The following FAT3 variants were observed in gnomAD, a reference collection of about 807,000 sequenced individuals.
The protein encoded by FAT3 is protocadherin Fat 3.
In FAT3, 95 loss-of-function variants were observed where a neutral mutation model predicts 310.2. The ratio of observed to expected loss-of-function variants is 0.31; its 90% CI spans 0.26 to 0.36. The LOEUF is 0.36. FAT3 is among the 10% of genes least tolerant of loss of function. The probability of loss-of-function intolerance (pLI) is 1.00; values close to 1 mark genes in which losing one functional copy is unlikely to be tolerated. For synonymous variants in FAT3, 2,314 were observed against 2,192.9 expected (o/e 1.06, Z -1.54); for missense variants, 5,408 against 5,715.6 (o/e 0.95, Z 1.74).
Position 92,762,007 on chromosome 11 carries a change from C to T in FAT3, c.3821C>T (p.Pro1274Leu), listed in dbSNP as rs756902208. ...PERDRKKRGE[P>L]IYRAFAFDRD... is the part of the protein sequence containing the mutation. ...CGTGACCGAAAGAAGAGAGGAGAAC[C>T]GATTTACAGGGCTTTTGCATTTGAT... The change falls in exon 5 of 28, where the codon CCG becomes CTG. Residue 1274 changes from proline (P) to leucine (L), a missense_variant. Physicochemically the swap from Pro to Leu is moderately conservative, Grantham distance 98. Coordinates refer to ENST00000525166, the MANE Select transcript of FAT3 (RefSeq NM_001367949.2). 5 of 1,613,860 alleles carry T rather than the reference C, an allele frequency of 3.1e-6. No homozygotes were observed. Among genetic ancestry groups the T allele is most frequent in the South Asian group, 1.1e-5 (1 of 91,070 alleles).
chr11:92,268,412 G>A (rs765506652), intron 1 of FAT3, among the ~76,000 whole-genome samples: 5 of 147,572 alleles, frequency 3.4e-5, no homozygotes, highest in African/African-American at 1.0e-4. Context: ...ATTATATGAC[G>A]TACTTTGGAA....
chr11:92,867,583 A>G (rs1270448323), intron 22 of FAT3, among the ~76,000 whole-genome samples: 1 of 152,214 alleles, frequency 6.6e-6, no homozygotes, highest in Non-Finnish European at 1.5e-5. Context: ...GAATGATAGT[A>G]GCACTATGAG....
chr11:92,504,408 G>A (rs1953038751), intron 2 of FAT3, among the ~76,000 whole-genome samples: 1 of 152,082 alleles, frequency 6.6e-6, no homozygotes, highest in Non-Finnish European at 1.5e-5. Context: ...AGAAACAGAA[G>A]GAAGGGTTTC....
At chr11:92,688,590 G>A (rs189321397) in intron 3 of FAT3, among the ~76,000 whole-genome samples, 4 of 152,112 alleles carry the variant, frequency 2.6e-5, no homozygotes, top group Admixed American at 6.6e-5. Context: ...GGACCCTGAC[G>A]TGAGTATTTT....
At chr11:92,411,959 A>G (rs542571995) in intron 2 of FAT3, among the ~76,000 whole-genome samples, 3 of 151,906 alleles carry the variant, frequency 2.0e-5, no homozygotes, top group South Asian at 2.1e-4. Context: ...CAACCCTTTC[A>G]TCATTTTCAT....
At chr11:92,464,601 A>T (rs556007457) in intron 2 of FAT3, among the ~76,000 whole-genome samples, 1 of 152,194 alleles carries the variant, frequency 6.6e-6, no homozygotes. Flanking sequence ...TGGGAACAGC[A>T]TAGGAAATAA....
intron 7 of FAT3, among the ~76,000 whole-genome samples, chr11:92,786,590 A>G (rs571173478): frequency 9.8e-5 from 15 of 152,312 alleles, no homozygotes; most frequent in African/African-American, 3.6e-4. Context: ...AAAATCTAGA[A>G]GTCTTACTAC....
Position 92,835,044 on chromosome 11 carries a change from T to A in FAT3, c.10046T>A (p.Val3349Asp), listed in dbSNP as rs764925708. 1.4e-5 allele frequency: 22 copies of A among 1,613,462 alleles called. No individual in the cohort carries two copies. Among genetic ancestry groups the A allele is most frequent in the Middle Eastern group, 1.7e-4 (1 of 6,050 alleles). Reference protein sequence around the residue: ...PKFSQDVYSAVISEDALVGDS... With the variant: ...PKFSQDVYSADISEDALVGDS... Reference sequence around the variant, plus strand: ...TTCAGCCAAGACGTCTACAGTGCGGTTATCAGTGAAGACGCCTTGGTGGGA... The same window carrying A: ...TTCAGCCAAGACGTCTACAGTGCGGATATCAGTGAAGACGCCTTGGTGGGA... The change falls in exon 15 of 28, where the codon GTT (valine) becomes GAT (aspartate). Residue 3349 changes from valine to aspartate, a missense_variant. This residue lies in a region of FAT3 where 4,588 missense variants were observed against 4,809.8 expected (regional missense o/e 0.95). Transcript: ENST00000525166.
chr11:92,654,946 T>C (rs1349692303), intron 3 of FAT3, among the ~76,000 whole-genome samples: 2 of 150,090 alleles, frequency 1.3e-5, no homozygotes, highest in Non-Finnish European at 3.0e-5. Context: ...GCAGCTTCCA[T>C]GGCCTGCTTT....
rs958002691 is a variant in FAT3 at position 92,831,868 on chromosome 11, T to A, written c.9728T>A (p.Val3243Glu). The change falls in exon 14 of 28, where the codon GTG becomes GAG. Residue 3243 changes from valine (V) to glutamate (E), a missense_variant. Val to Glu is a moderately radical substitution (Grantham distance 121). Coordinates refer to ENST00000525166, the MANE Select transcript of FAT3 (RefSeq NM_001367949.2). ...GTGTTTGAGAGGAGGGACTACCTGGTGACGGTGCCTGAGGACACCTCCCCT... is the reference window on the plus strand; with the variant it reads ...GTGTTTGAGAGGAGGGACTACCTGGAGACGGTGCCTGAGGACACCTCCCCT... Reference protein sequence around the residue: ...PPVFERRDYLVTVPEDTSPGT... With the variant: ...PPVFERRDYLETVPEDTSPGT... 5.6e-6 allele frequency: 9 copies of A among 1,613,440 alleles called. No individual in the cohort carries two copies. Among genetic ancestry groups the A allele is most frequent in the Non-Finnish European group, 6.8e-6 (8 of 1,179,748 alleles).
chr11:92,809,684 A>G (rs560263557), intron 12 of FAT3, among the ~76,000 whole-genome samples, 159 bp from the exon 13 acceptor site: 1 of 152,300 alleles, frequency 6.6e-6, no homozygotes, highest in South Asian at 2.1e-4. Flanking sequence ...TGACACATAA[A>G]CTGTTGAATT....
At chr11:92,241,324 G>T (rs1188866523) in intron 1 of FAT3, among the ~76,000 whole-genome samples, 1 of 152,004 alleles carries the variant, frequency 6.6e-6, no homozygotes, top group Non-Finnish European at 1.5e-5. Flanking sequence ...TCTTAGCATT[G>T]CAGGCACCTC....
At chr11:92,580,894 A>G (rs982965167) in intron 3 of FAT3, among the ~76,000 whole-genome samples, 1 of 151,406 alleles carries the variant, frequency 6.6e-6, no homozygotes, top group Non-Finnish European at 1.5e-5. Flanking sequence ...CTCTTTAAAC[A>G]CCAGAGTTAC....
chr11:92,230,483 G>C (rs1864129018), intron 1 of FAT3, among the ~76,000 whole-genome samples: 1 of 151,830 alleles, frequency 6.6e-6, no homozygotes, highest in African/African-American at 2.4e-5. Context: ...TAGTAGACAG[G>C]GTGTTTCACC....
intron 14 of FAT3, among the ~76,000 whole-genome samples, chr11:92,833,516 T>C (rs1948320336): frequency 6.6e-6 from 1 of 152,230 alleles, no homozygotes; most frequent in Non-Finnish European, 1.5e-5. Context: ...TGTTAATAAG[T>C]GGTTTATCCA....
Position 92,375,695 on chromosome 11 carries a change from T to TGA in FAT3, c.3292+20292_3292+20293dup, listed in dbSNP as rs142830987. Among the ~76,000 whole-genome samples the TGA allele has an allele frequency of 1.6e-3, 244 of 152,336 alleles. 1 individual carries two copies. Among genetic ancestry groups the TGA allele is most frequent in the African/African-American group, 5.7e-3 (235 of 41,570 alleles). On this transcript the variant is annotated intron_variant, in intron 2 of 27. Transcript: ENST00000525166. ...ATTTATTACTGAGACATGGAGTTACTGACATGGCTGTAAGTAAGCATCACC... is the reference window on the plus strand; with the variant it reads ...ATTTATTACTGAGACATGGAGTTACTGAGACATGGCTGTAAGTAAGCATCACC...
intron 22 of FAT3, among the ~76,000 whole-genome samples, chr11:92,875,911 G>T (rs1419731109): frequency 6.6e-6 from 1 of 152,198 alleles, no homozygotes; most frequent in Non-Finnish European, 1.5e-5. Flanking sequence ...TTTAAATTCT[G>T]ATTTTCCAAG....
chr11:92,271,624 G>A (rs1946124425), intron 1 of FAT3, among the ~76,000 whole-genome samples: 1 of 152,144 alleles, frequency 6.6e-6, no homozygotes, highest in South Asian at 2.1e-4. Flanking sequence ...AACAGTGCTT[G>A]CAACATAGTT....
intron 3 of FAT3, among the ~76,000 whole-genome samples, chr11:92,624,863 G>A (rs1471049869): frequency 1.3e-5 from 2 of 152,228 alleles, no homozygotes; most frequent in African/African-American, 4.8e-5. Flanking sequence ...GACTCTGAGA[G>A]ACGATCTGTT....
Sources: allele counts gnomAD v4.1 joint callset (sites outside exome capture counted in the v4.1 genomes callset), GRCh38; gene constraint gnomAD v4.1.1; regional missense constraint gnomAD v4.1.1; transcripts MANE v1.5; gene names NCBI Gene and HGNC (gene_info 2026-07-23, HGNC 2026-07-21).